UBXN11: variants seen among roughly 807,000 people sequenced by gnomAD.
UBXN11 encodes the protein UBX domain protein 11, also known as UBX domain-containing protein 11.
UBXN11 carries 47 observed loss-of-function variants against 62.8 expected under a neutral mutation model. That is an observed-to-expected ratio of 0.75 (90% confidence interval 0.59 to 0.95). UBXN11 has a LOEUF of 0.95. Ranked by LOEUF, UBXN11 falls within the 40% of genes least tolerant of loss-of-function variation. The pLI, the probability that UBXN11 is intolerant of heterozygous loss-of-function variation, is 0.00. For missense variants in UBXN11, 638 were observed against 661.7 expected (o/e 0.96, Z 0.39); for synonymous variants, 294 against 267.0 (o/e 1.10, Z -0.99).
At chr1:26,313,502 A>T (rs531067435) in intron 1 of UBXN11, among the ~76,000 whole-genome samples, 9 of 152,188 alleles carry the variant, frequency 5.9e-5, no homozygotes, top group African/African-American at 2.2e-4. Flanking sequence ...GTTTTTTATT[A>T]GTCTTCCCCC....
intron 8 of UBXN11, among the ~76,000 whole-genome samples, chr1:26,292,009 C>T (rs183394848): frequency 1.1e-3 from 168 of 152,328 alleles, no homozygotes; most frequent in Admixed American, 9.4e-3. Flanking sequence ...ACCAAGGCCA[C>T]GGATTCTACT....
At chr1:26,307,897 G>T (rs2073697463), upstream of UBXN11, among the ~76,000 whole-genome samples, 1 of 152,114 alleles carries the variant, frequency 6.6e-6, no homozygotes, top group Non-Finnish European at 1.5e-5. Flanking sequence ...AAAGTGGACA[G>T]CATTCTTTAT....
chr1:26,282,949 C>G lies in UBXN11; in HGVS notation c.1078-12G>C, dbSNP rs1355906362. The G allele has an allele frequency of 6.2e-7, 1 of 1,614,164 alleles. No individual in the cohort carries two copies. Among genetic ancestry groups the G allele is most frequent in the East Asian group, 2.2e-5 (1 of 44,884 alleles). On this transcript the variant is annotated splice_polypyrimidine_tract_variant and intron_variant, in intron 12 of 14. Coordinates refer to ENST00000374222, the MANE Select transcript of UBXN11 (RefSeq NM_001389556.1). Reference sequence around the variant, plus strand: ...AATGGGCAGCAGTTCTGGAAGGTATCAGTGGAGGGTGGACAGAGCCCTAGG... The same window carrying G: ...AATGGGCAGCAGTTCTGGAAGGTATGAGTGGAGGGTGGACAGAGCCCTAGG...
intron 6 of UBXN11, 136 bp from the exon 7 acceptor site, chr1:26,297,131 C>T (rs1169327660): frequency 2.8e-6 from 3 of 1,080,124 alleles, no homozygotes; most frequent in East Asian, 2.6e-5. Context: ...CCTCTCTGGC[C>T]TCTCCTCTGA....
intron 7 of UBXN11, among the ~76,000 whole-genome samples, chr1:26,296,583 G>A (rs973490534): frequency 6.6e-6 from 1 of 152,204 alleles, no homozygotes; most frequent in Non-Finnish European, 1.5e-5. Flanking sequence ...GGGGAGAGTG[G>A]TTCAAGCTAA....
chr1:26,302,348 C>T (rs1164485391), intron 2 of UBXN11, among the ~76,000 whole-genome samples: 3 of 111,740 alleles, frequency 2.7e-5, no homozygotes, highest in African/African-American at 7.2e-5. Context: ...GGCGACAGAG[C>T]GAGACTTGGT....
intron 1 of UBXN11, among the ~76,000 whole-genome samples, chr1:26,305,561 C>T (rs1261867339): frequency 6.6e-6 from 1 of 152,032 alleles, no homozygotes; most frequent in Non-Finnish European, 1.5e-5. Flanking sequence ...ATAGACTTGC[C>T]CACACTGCAC....
chr1:26,302,209 A>G (rs553953927), intron 2 of UBXN11, among the ~76,000 whole-genome samples: 1 of 152,100 alleles, frequency 6.6e-6, no homozygotes, highest in South Asian at 2.1e-4. Flanking sequence ...TAAAAATACA[A>G]AAAATTAGCC....
chr1:26,310,173 G>T (rs6666722), upstream of UBXN11, among the ~76,000 whole-genome samples: 28,451 of 152,140 alleles, frequency 0.19, 2,888 homozygotes, highest in African/African-American at 0.25. Context: ...GGCCGAGGTG[G>T]GTGAATCACC....
chr1:26,294,146 A>G, intron 8 of UBXN11, 59 bp downstream of exon 8: 1 of 1,599,682 alleles, frequency 6.3e-7, no homozygotes, highest in Non-Finnish European at 8.5e-7. Context: ...CTGCCGGCCA[A>G]CAGCAAACTG....
rs773368071 is a variant in UBXN11 at position 26,282,923 on chromosome 1, C to G, written c.1092G>C (p.Leu364Phe). 1 of 1,614,160 alleles carries G rather than the reference C, an allele frequency of 6.2e-7. No individual in the cohort carries two copies. Among genetic ancestry groups the G allele is most frequent in the African/African-American group, 1.3e-5 (1 of 75,038 alleles). ...IRDTLQNCCPLPARIQEIVVE... is the reference protein window; with the variant it reads ...IRDTLQNCCPFPARIQEIVVE... ...CCACAATCTCCTGGATCCGGGCAGG[C>G]AATGGGCAGCAGTTCTGGAAGGTAT... Residue 364 changes from leucine (L) to phenylalanine (F), a missense_variant, in exon 13 of 15, where the codon TTG becomes TTC. Physicochemically the swap from Leu to Phe is conservative, Grantham distance 22 (BLOSUM62 0). Coordinates refer to ENST00000374222, the MANE Select transcript of UBXN11 (RefSeq NM_001389556.1).
In UBXN11 at chr1:26,315,904, C is replaced by T. The variant is rs1338781221; in HGVS notation, c.-149+2143G>A. ...AGAACTCCTGACCTCAGGTGATCCA[C>T]CCACCTCGGCCTCCCAAAATGCTGG... On this transcript the variant is annotated intron_variant, in intron 1 of 14. Transcript: ENST00000374217. 2.6e-5 allele frequency among the ~76,000 whole-genome samples: 4 copies of T among 152,020 alleles called. No homozygotes were observed. In the East Asian group the frequency reaches 7.7e-4, roughly 29 times the overall value.
Position 26,300,853 on chromosome 1 carries a change from C to T in UBXN11, c.199+73G>A, listed in dbSNP as rs531958558. The T allele has an allele frequency of 4.7e-5, 76 of 1,608,564 alleles. 1 individual carries two copies. The South Asian group carries it at 7.7e-4, about 16-fold the overall frequency. On this transcript the variant is annotated intron_variant, in intron 4 of 14. Transcript: ENST00000374222. ...ACAGGCGAGAGGAAGGGCCATGCCTCCCTAGGCCTTGCCCCGTCTCTGGGG... is the reference window on the plus strand; with the variant it reads ...ACAGGCGAGAGGAAGGGCCATGCCTTCCTAGGCCTTGCCCCGTCTCTGGGG...
intron 7 of UBXN11, 65 bp downstream of exon 7, chr1:26,296,854 G>A: frequency 6.6e-7 from 1 of 1,520,150 alleles, no homozygotes; most frequent in South Asian, 1.2e-5. Context: ...CAGCTCCTGA[G>A]GAACATGCCG....
intron 8 of UBXN11, among the ~76,000 whole-genome samples, chr1:26,293,158 C>T (rs6598955): frequency 0.34 from 52,237 of 152,082 alleles, 9,758 homozygotes; most frequent in African/African-American, 0.49. Flanking sequence ...AACTCATTTG[C>T]TCCTTGTAAC....
intron 12 of UBXN11, 21 bp downstream of exon 12, chr1:26,284,121 G>T: frequency 1.7e-5 from 27 of 1,580,212 alleles, no homozygotes; most frequent in Non-Finnish European, 2.3e-5. Context: ...GGAGGGCTGG[G>T]GGAGTTAGCA....
At chr1:26,293,554 C>T (rs1317043536) in intron 8 of UBXN11, among the ~76,000 whole-genome samples, 67 of 151,676 alleles carry the variant, frequency 4.4e-4, no homozygotes, top group Middle Eastern at 3.2e-3. Flanking sequence ...GGTAAAACCC[C>T]GTCTTTACTA....
At chr1:26,297,591 C>G in intron 5 of UBXN11, 110 bp from the exon 6 acceptor site, 1 of 1,314,104 alleles carries the variant, frequency 7.6e-7, no homozygotes, top group Non-Finnish European at 1.0e-6. Context: ...CAGCAAGCCC[C>G]TGCCACCCTT....
In UBXN11 at chr1:26,296,141, C is replaced by A. The variant is rs532062006; in HGVS notation, c.432+778G>T. 1.8e-4 allele frequency among the ~76,000 whole-genome samples: 27 copies of A among 152,340 alleles called. No homozygotes were observed. The South Asian group carries it at 5.2e-3, about 29-fold the overall frequency. ...GGAAGAACTTCTGGCAGGGCCCATG[C>A]GTGCCTGGGACCCTTCTCTGTGCCT... On this transcript the variant is annotated intron_variant, in intron 7 of 14. Coordinates refer to ENST00000374222, the MANE Select transcript of UBXN11 (RefSeq NM_001389556.1).
Sources: allele counts gnomAD v4.1 joint callset (sites outside exome capture counted in the v4.1 genomes callset), GRCh38; gene constraint gnomAD v4.1.1; transcripts MANE v1.5; gene names NCBI Gene and HGNC (gene_info 2026-07-23, HGNC 2026-07-21).